Variants in EPHB2 observed in about 807,000 individuals in gnomAD.
EPHB2 encodes the protein ephrin type-B receptor 2.
Under a neutral mutation model 96.4 loss-of-function variants are expected in EPHB2, and 18 were observed. The observed-to-expected ratio is 0.19, with a 90% CI of 0.13 to 0.28. The LOEUF is 0.28. Ranked by LOEUF, EPHB2 falls within the 10% of genes least tolerant of loss-of-function variation. The pLI is 1.00. For missense variants in EPHB2, 989 were observed against 1,355.4 expected, an observed-to-expected ratio of 0.73 and a Z score of 4.25; for synonymous variants, 506 against 534.1, an observed-to-expected ratio of 0.95 and a Z score of 0.72.
At chr1:22,874,023 A>G (rs902153515) in intron 5 of EPHB2, among the ~76,000 whole-genome samples, 2 of 152,166 alleles carry the variant, frequency 1.3e-5, no homozygotes, top group African/African-American at 4.8e-5. Flanking sequence ...AGAGAGAGGT[A>G]ACTTGCCTGC....
At chr1:22,785,374 A>G (rs1013028329) in intron 3 of EPHB2, among the ~76,000 whole-genome samples, 3 of 152,252 alleles carry the variant, frequency 2.0e-5, no homozygotes, top group African/African-American at 7.2e-5. Flanking sequence ...AGTGGTGTCA[A>G]TTTCTTCCTT....
In EPHB2 at chr1:22,875,015, C is replaced by T. The variant is rs1288299265; in HGVS notation, c.1304-7344C>T. ...TGCAGTGTGAGTCTCCACAAGCAGA[C>T]GGGCTACAACTCTGCGTTCCTCAAA... On this transcript the variant is annotated intron_variant, in intron 5 of 15. Coordinates refer to ENST00000374630, the MANE Select transcript of EPHB2 (RefSeq NM_017449.5). This position sits in a 1 kb window ranked among gnomAD's most constrained non-coding sequence, Gnocchi z 4.2. Among the ~76,000 whole-genome samples the T allele has an allele frequency of 3.9e-5, 6 of 152,160 alleles. No homozygotes were observed. Among genetic ancestry groups the T allele is most frequent in the Non-Finnish European group, 5.9e-5 (4 of 68,042 alleles).
chr1:22,886,696 G>A (rs1311997846), intron 6 of EPHB2, among the ~76,000 whole-genome samples: 2 of 145,742 alleles, frequency 1.4e-5, no homozygotes, highest in Non-Finnish European at 3.0e-5. Flanking sequence ...GCACAATCTC[G>A]GCTCACCACA....
chr1:22,775,019 C>T (rs1414334302), intron 1 of EPHB2, among the ~76,000 whole-genome samples: 1 of 152,222 alleles, frequency 6.6e-6, no homozygotes, highest in African/African-American at 2.4e-5. Context: ...CTGGCCTGGG[C>T]AGTCTATGTC....
At chr1:22,815,260 TGGG>T (rs1032374602) in intron 3 of EPHB2, among the ~76,000 whole-genome samples, 3 of 150,506 alleles carry the variant, frequency 2.0e-5, no homozygotes, top group African/African-American at 7.3e-5. Flanking sequence ...AGATGGAAGG[TGGG>T]GGGTGGTTGT....
intron 3 of EPHB2, among the ~76,000 whole-genome samples, chr1:22,816,820 G>A (rs757569148): frequency 6.6e-6 from 1 of 152,220 alleles, no homozygotes; most frequent in Admixed American, 6.5e-5. Flanking sequence ...TGAGTGATTT[G>A]CCTAAGGTCA....
chr1:22,878,070 G>C (rs1638902520), intron 5 of EPHB2, among the ~76,000 whole-genome samples: 1 of 152,258 alleles, frequency 6.6e-6, no homozygotes, highest in Admixed American at 6.5e-5. Context: ...GAACAGAACA[G>C]CCTCTGCTGA....
At chr1:22,772,084 C>A (rs998997542) in intron 1 of EPHB2, among the ~76,000 whole-genome samples, 1 of 152,056 alleles carries the variant, frequency 6.6e-6, no homozygotes, top group Non-Finnish European at 1.5e-5. Flanking sequence ...CCAGCAACCC[C>A]GTCCCAGACC....
intron 6 of EPHB2, among the ~76,000 whole-genome samples, chr1:22,886,055 C>T (rs902345202): frequency 9.9e-5 from 15 of 152,102 alleles, no homozygotes; most frequent in Non-Finnish European, 2.1e-4. Context: ...ACACTGAGAG[C>T]CATGAGACAA....
chr1:22,831,975 G>A (rs1244884477), intron 3 of EPHB2, among the ~76,000 whole-genome samples: 3 of 152,214 alleles, frequency 2.0e-5, no homozygotes, highest in Non-Finnish European at 4.4e-5. Context: ...GGAGGGAGGG[G>A]TACTGGGGAG....
intron 3 of EPHB2, among the ~76,000 whole-genome samples, chr1:22,833,505 T>A (rs971178536): frequency 2.0e-5 from 3 of 152,150 alleles, no homozygotes; most frequent in Admixed American, 6.6e-5. Context: ...AATTACAACA[T>A]ACTAAAATTG....
Position 22,865,290 on chromosome 1 carries a change from C to T in EPHB2, c.1303+78C>T, listed in dbSNP as rs1256802611. ...AGGGTCCTGCAGTCCTCACAAAAGACTCCTTCACATCTATGGAGTGATTTC... is the reference window on the plus strand; with the variant it reads ...AGGGTCCTGCAGTCCTCACAAAAGATTCCTTCACATCTATGGAGTGATTTC... On this transcript the variant is annotated intron_variant, in intron 5 of 15. Transcript: ENST00000374630. 7 of 1,509,158 alleles carry T rather than the reference C, an allele frequency of 4.6e-6. No individual in the cohort carries two copies. In the African/African-American group the frequency reaches 5.5e-5, roughly 12 times the overall value. 93.5% of individuals were successfully genotyped at this position (1,509,158 alleles called of 1,614,324 possible).
At chr1:22,730,943 G>A (rs916064482) in intron 1 of EPHB2, among the ~76,000 whole-genome samples, 1 of 152,092 alleles carries the variant, frequency 6.6e-6, no homozygotes, top group African/African-American at 2.4e-5. Context: ...GCACGAGACG[G>A]TGGTGGCTGG....
At chr1:22,804,421 C>T (rs999871542) in intron 3 of EPHB2, among the ~76,000 whole-genome samples, 1 of 152,178 alleles carries the variant, frequency 6.6e-6, no homozygotes, top group Non-Finnish European at 1.5e-5. Flanking sequence ...CAGCTCAGTT[C>T]TCATGAATAT....
At chr1:22,745,372 C>T (rs973680882) in intron 1 of EPHB2, among the ~76,000 whole-genome samples, 1 of 152,188 alleles carries the variant, frequency 6.6e-6, no homozygotes, top group Non-Finnish European at 1.5e-5. Context: ...TGGTTTCACT[C>T]ATAGGAACTT....
chr1:22,895,662 C>T (rs56273113), intron 8 of EPHB2, 82 bp downstream of exon 8: 1 of 1,301,204 alleles, frequency 7.7e-7, no homozygotes, highest in Admixed American at 1.7e-5. Context: ...CTCTACAGTG[C>T]TGGTGAACCG....
intron 3 of EPHB2, among the ~76,000 whole-genome samples, chr1:22,859,280 G>A (rs1192598785): frequency 2.0e-5 from 3 of 148,772 alleles, no homozygotes; most frequent in Admixed American, 6.7e-5. Context: ...AAAGCCAGGG[G>A]TGTGGGGTGG....
At position 22,912,426 on chromosome 1, in the gene EPHB2, G is replaced by A. The variant is rs200706176; in HGVS notation, c.2697-18G>A. ...AACAGGTGCCCTGACCATCTCTGTC[G>A]CCCACCCCCAACCCCAGCATCAACC... On this transcript the variant is annotated intron_variant, in intron 14 of 15. Transcript: ENST00000374630. 47 of 1,613,322 alleles carry A rather than the reference G, an allele frequency of 2.9e-5. No homozygotes were observed. In the African/African-American group the frequency reaches 3.2e-4, roughly 11 times the overall value.
Position 22,919,677 on chromosome 1 carries a change from C to T in EPHB2, c.*6107C>T, listed in dbSNP as rs77130616. On this transcript the variant is annotated 3_prime_UTR_variant, in exon 16 of 16. Transcript: ENST00000374630. ...GGCCCTGTCTCTACCCAAGACCTAA[C>T]GGCCCCTGTTGAAGGAGAGGGAGCA... 8.7e-3 allele frequency: 1,326 copies of T among 152,498 alleles called. 8 individuals are homozygous for T. The highest frequency in any genetic ancestry group is 0.015 in the Middle Eastern group (5 of 340). 9.4% of individuals were successfully genotyped at this position (152,498 alleles called of 1,614,324 possible).
Sources: gnomAD v4.1 joint callset for allele counts (sites outside exome capture counted in the v4.1 genomes callset) on GRCh38, gnomAD v4.1.1 for gene constraint, Gnocchi (gnomAD v3.1) non-coding constraint, MANE v1.5 for transcripts, NCBI Gene and HGNC (gene_info 2026-07-23, HGNC 2026-07-21) for gene names.